Variants in ADGRD1 observed in about 807,000 individuals in gnomAD.
ADGRD1 encodes the protein G-protein coupled receptor 133.
In ADGRD1, 77 loss-of-function variants were observed where a neutral mutation model predicts 113.4. The ratio of observed to expected loss-of-function variants is 0.68; its 90% CI spans 0.57 to 0.82. The LOEUF is 0.82. Among genes scored for constraint, ADGRD1 ranks in the 40% least tolerant of loss-of-function variants. The probability of loss-of-function intolerance (pLI) is 0.00; values close to 1 mark genes in which losing one functional copy is unlikely to be tolerated. For synonymous variants in ADGRD1, 474 were observed against 475.0 expected, an observed-to-expected ratio of 1.00 and a Z score of 0.03; for missense variants, 1,036 against 1,139.1, an observed-to-expected ratio of 0.91 and a Z score of 1.30.
At chr12:131,133,981 C>G (rs1312864482) in intron 21 of ADGRD1, among the ~76,000 whole-genome samples, 1 of 152,216 alleles carries the variant, frequency 6.6e-6, no homozygotes, top group Non-Finnish European at 1.5e-5. Context: ...CCTGCCACCC[C>G]CCTACCCCAA....
chr12:131,091,401 G>A (rs1012498329), intron 15 of ADGRD1, among the ~76,000 whole-genome samples: 2 of 152,104 alleles, frequency 1.3e-5, no homozygotes, highest in Non-Finnish European at 2.9e-5. Flanking sequence ...ATACATCCAC[G>A]CTAAGGGAGA....
intron 13 of ADGRD1, chr12:131,035,073 TG>T (rs1414165330): frequency 6.5e-6 from 1 of 152,764 alleles, no homozygotes; most frequent in Non-Finnish European, 1.5e-5. Context: ...CAGCCCTGTG[TG>T]GTCAGCCCAG....
At chr12:130,978,566 T>G (rs1040044886) in intron 4 of ADGRD1, 23 of 152,260 alleles carry the variant, frequency 1.5e-4, no homozygotes, top group African/African-American at 5.1e-4. Flanking sequence ...TATGACTCTA[T>G]GAAGACGTGA....
chr12:131,064,042 T>G (rs1223472700), intron 13 of ADGRD1, among the ~76,000 whole-genome samples: 1 of 152,252 alleles, frequency 6.6e-6, no homozygotes, highest in Non-Finnish European at 1.5e-5. Context: ...ATTTTTTGAG[T>G]GACTATGAAC....
chr12:131,021,678 C>T (rs1019298832), intron 13 of ADGRD1, among the ~76,000 whole-genome samples: 1 of 152,090 alleles, frequency 6.6e-6, no homozygotes, highest in African/African-American at 2.4e-5. Flanking sequence ...CTCACATGGT[C>T]GTCCCTCGTG....
intron 13 of ADGRD1, chr12:131,024,601 G>A (rs1055608880): frequency 6.6e-6 from 1 of 152,220 alleles, no homozygotes; most frequent in African/African-American, 2.4e-5. Flanking sequence ...ATTCAGTACA[G>A]TAGTGGGCAC....
rs1883986692 is a variant in ADGRD1 at position 131,057,581 on chromosome 12, C to T, written c.1474-19220C>T. Among the ~76,000 whole-genome samples, 1 of 152,168 alleles carries T rather than the reference C, an allele frequency of 6.6e-6. No homozygotes were observed. Among genetic ancestry groups the T allele is most frequent in the Non-Finnish European group, 1.5e-5 (1 of 68,032 alleles). On this transcript the variant is annotated intron_variant, in intron 13 of 24. Transcript: ENST00000261654. The surrounding 1 kb of genome is among the most constrained non-coding windows in gnomAD (Gnocchi z 4.2). ...CTGGCCTGCGGCAGCCAACTCCAGTCTCTGCCCCGTCTCCCCACGGCCTCC... is the reference window on the plus strand; with the variant it reads ...CTGGCCTGCGGCAGCCAACTCCAGTTTCTGCCCCGTCTCCCCACGGCCTCC...
At position 131,035,204 on chromosome 12, in the gene ADGRD1, C is replaced by T. The variant is rs145145514; in HGVS notation, c.1473+20864C>T. ...CTTCCTGGTCGCTCCTGGTCGTCGTCCTGTCTCAGCTCTGCTGCCTCTCCT... is the reference window on the plus strand; with the variant it reads ...CTTCCTGGTCGCTCCTGGTCGTCGTTCTGTCTCAGCTCTGCTGCCTCTCCT... On this transcript the variant is annotated intron_variant, in intron 13 of 24. Transcript: ENST00000261654. The T allele has an allele frequency of 9.7e-4, 149 of 153,134 alleles. 2 individuals carry two copies. The highest frequency in any genetic ancestry group is 9.7e-3 in the Middle Eastern group (3 of 310). The allele number at this position is 153,134 out of a possible 1,614,324, so 9.5% of individuals were successfully genotyped here. A position where few individuals can be genotyped will look rare whatever the true frequency, so the allele number is the denominator to read the frequency against.
intron 15 of ADGRD1, among the ~76,000 whole-genome samples, chr12:131,090,247 T>TA (rs1344007536): frequency 2.0e-5 from 3 of 152,086 alleles, no homozygotes. Flanking sequence ...TCATCAACAT[T>TA]AAAAAAAGTT....
intron 13 of ADGRD1, among the ~76,000 whole-genome samples, chr12:131,034,649 C>G (rs939882349): frequency 6.6e-6 from 1 of 152,196 alleles, no homozygotes; most frequent in Non-Finnish European, 1.5e-5. Context: ...AGAACAGAAC[C>G]TGGCATATGA....
At position 130,976,175 on chromosome 12, in the gene ADGRD1, G is replaced by A. The variant is rs563542376; in HGVS notation, c.310+4595G>A. 9.8e-5 allele frequency among the ~76,000 whole-genome samples: 15 copies of A among 152,302 alleles called. No individual in the cohort carries two copies. In the East Asian group the frequency reaches 2.9e-3, roughly 29 times the overall value. ...TACTTGCAGGTGGAGTTTTAGGATAGAAATTTCCAGAGGGGCCTGGGGGAC... is the reference window on the plus strand; with the variant it reads ...TACTTGCAGGTGGAGTTTTAGGATAAAAATTTCCAGAGGGGCCTGGGGGAC... On this transcript the variant is annotated intron_variant, in intron 4 of 24. Coordinates refer to ENST00000261654, the MANE Select transcript of ADGRD1 (RefSeq NM_198827.5).
At chr12:130,999,069 T>G (rs773085242) in intron 8 of ADGRD1, among the ~76,000 whole-genome samples, 3 of 152,256 alleles carry the variant, frequency 2.0e-5, no homozygotes, top group Admixed American at 1.3e-4. Context: ...TTTATTCTAC[T>G]TCTTAAAAAT....
rs1201886874 is a variant in ADGRD1, at chr12:130,967,113, C to A, written c.187+567C>A. The stretch of plus-strand genomic sequence containing the variant: ...TGGACTAGCGTCATCTGCACACTGA[C>A]CACAGCAGGGGCCTATTGATGAAGC... On this transcript the variant is annotated intron_variant, in intron 3 of 24. Coordinates refer to ENST00000261654, the MANE Select transcript of ADGRD1 (RefSeq NM_198827.5). 9.6e-5 allele frequency: 42 copies of A among 437,976 alleles called. 1 individual carries two copies. Among genetic ancestry groups the A allele is most frequent in the Non-Finnish European group, 5.2e-5 (11 of 211,886 alleles). 27.1% of individuals were successfully genotyped at this position (437,976 alleles called of 1,614,324 possible). A position where few individuals can be genotyped will look rare whatever the true frequency, so the allele number is the denominator to read the frequency against.
rs1298503081 is a variant in ADGRD1, at chr12:131,050,959, G to A, written c.1474-25842G>A. Reference sequence around the variant, plus strand: ...CCACCGCTCTGTGTGCTGTGTGCCCGGTTCCTAACAGGCCACGGGCTGGTC... The same window carrying A: ...CCACCGCTCTGTGTGCTGTGTGCCCAGTTCCTAACAGGCCACGGGCTGGTC... On this transcript the variant is annotated intron_variant, in intron 13 of 24. Coordinates refer to ENST00000261654, the MANE Select transcript of ADGRD1 (RefSeq NM_198827.5). This position sits in a 1 kb window ranked among gnomAD's most constrained non-coding sequence, Gnocchi z 4.8. Among the ~76,000 whole-genome samples, 1 of 152,288 alleles carries A rather than the reference G, an allele frequency of 6.6e-6. No individual in the cohort carries two copies. Among genetic ancestry groups the A allele is most frequent in the East Asian group, 1.9e-4 (1 of 5,178 alleles).
intron 13 of ADGRD1, among the ~76,000 whole-genome samples, chr12:131,066,013 G>A (rs1884691956): frequency 6.6e-6 from 1 of 152,122 alleles, no homozygotes; most frequent in Non-Finnish European, 1.5e-5. Context: ...TCTCTGTGGT[G>A]AACTCTGGCA....
intron 13 of ADGRD1, among the ~76,000 whole-genome samples, chr12:131,061,943 G>C (rs1449350350): frequency 6.6e-6 from 1 of 152,172 alleles, no homozygotes; most frequent in Non-Finnish European, 1.5e-5. Context: ...TGGTTGTATA[G>C]GTCAGTTGTT....
chr12:131,107,930 C>A (rs1042506380), intron 17 of ADGRD1, among the ~76,000 whole-genome samples: 1 of 152,170 alleles, frequency 6.6e-6, no homozygotes, highest in African/African-American at 2.4e-5. Flanking sequence ...CCTTCCTGGG[C>A]TCTGGTTTCC....
In ADGRD1 at chr12:131,003,805, T is replaced by A. The variant is rs981916976; in HGVS notation, c.1145-381T>A. Among the ~76,000 whole-genome samples the A allele has an allele frequency of 1.3e-5, 2 of 152,146 alleles. No homozygotes were observed. The highest frequency in any genetic ancestry group is 4.8e-5 in the African/African-American group (2 of 41,438). ...AATGGGCTGAAGCTACAGGGGTTAG[T>A]TTAGTCGCAGTTTGTTGGCCGTGTT... On this transcript the variant is annotated intron_variant, in intron 10 of 24. Coordinates refer to ENST00000261654, the MANE Select transcript of ADGRD1 (RefSeq NM_198827.5). The surrounding 1 kb of genome is among the most constrained non-coding windows in gnomAD (Gnocchi z 4.8).
At chr12:131,083,100 A>G (rs932671835) in intron 14 of ADGRD1, among the ~76,000 whole-genome samples, 4 of 152,210 alleles carry the variant, frequency 2.6e-5, no homozygotes, top group Non-Finnish European at 5.9e-5. Flanking sequence ...GGACAGCCAC[A>G]GTTCTCATCT....
Sources: gnomAD v4.1 joint callset for allele counts (sites outside exome capture counted in the v4.1 genomes callset) on GRCh38, gnomAD v4.1.1 for gene constraint, Gnocchi (gnomAD v3.1) non-coding constraint, MANE v1.5 for transcripts, NCBI Gene and HGNC (gene_info 2026-07-23, HGNC 2026-07-21) for gene names.